Variants in ZFAT observed in about 807,000 individuals in gnomAD.
ZFAT encodes the protein zinc finger protein ZFAT.
In ZFAT, 64 loss-of-function variants were observed where a neutral mutation model predicts 117.7. The observed-to-expected ratio is 0.54, with a 90% CI of 0.44 to 0.67. The LOEUF is 0.67. Among genes scored for constraint, ZFAT ranks in the 30% least tolerant of loss-of-function variants. ZFAT has a pLI of 0.00. For missense variants in ZFAT, 1,433 were observed against 1,584.5 expected, an observed-to-expected ratio of 0.90 and a Z score of 1.62; for synonymous variants, 679 against 615.0, an observed-to-expected ratio of 1.10 and a Z score of -1.54.
At chr8:134,771,095 A>T in the ZFAT span, among the ~76,000 whole-genome samples, 1 of 152,168 alleles carries the variant, frequency 6.6e-6, no homozygotes, top group Non-Finnish European at 1.5e-5. Context: ...TAAGTACTTG[A>T]TGTCTGTCAC....
the ZFAT span, among the ~76,000 whole-genome samples, chr8:134,742,737 T>C: frequency 6.6e-6 from 1 of 152,220 alleles, no homozygotes; most frequent in African/African-American, 2.4e-5. Context: ...TAACTCCTGC[T>C]CTAGTCCTTC....
intron 7 of ZFAT, among the ~76,000 whole-genome samples, chr8:134,591,535 A>G (rs1229167365): frequency 6.6e-6 from 1 of 152,184 alleles, no homozygotes; most frequent in Non-Finnish European, 1.5e-5. Context: ...GTTGAATTCT[A>G]TCCCCTAAAA....
At chr8:134,607,834 T>C (rs570058051) in intron 5 of ZFAT, among the ~76,000 whole-genome samples, 1 of 152,304 alleles carries the variant, frequency 6.6e-6, no homozygotes, top group East Asian at 1.9e-4. Flanking sequence ...GACAGACAAT[T>C]TGGGGAGACT....
chr8:134,520,828 G>T, intron 13 of ZFAT, 55 bp downstream of exon 13: 3 of 1,445,748 alleles, frequency 2.1e-6, no homozygotes, highest in Non-Finnish European at 1.9e-6. Context: ...GGTTTGCCTG[G>T]TTTGTCATCT....
chr8:134,762,224 T>G, the ZFAT span, among the ~76,000 whole-genome samples: 21 of 152,268 alleles, frequency 1.4e-4, no homozygotes, highest in African/African-American at 5.1e-4. Context: ...CTAGGAACAA[T>G]ATCCAATCTA....
intron 15 of ZFAT, among the ~76,000 whole-genome samples, chr8:134,491,856 A>G (rs1187971276): frequency 6.6e-6 from 1 of 152,212 alleles, no homozygotes; most frequent in Non-Finnish European, 1.5e-5. Flanking sequence ...GGTTCTGTGG[A>G]TGAGGACGTG....
At chr8:134,705,192 G>T (rs1177455176) in intron 1 of ZFAT, among the ~76,000 whole-genome samples, 3 of 152,040 alleles carry the variant, frequency 2.0e-5, no homozygotes, top group African/African-American at 7.2e-5. Flanking sequence ...CCCTATTTAT[G>T]TATTTACTTA....
At chr8:134,811,007 A>G in the ZFAT span, among the ~76,000 whole-genome samples, 2 of 152,190 alleles carry the variant, frequency 1.3e-5, no homozygotes, top group South Asian at 2.1e-4. Flanking sequence ...TTAAACAGTA[A>G]AAGAAAAAAA....
chr8:134,816,340 T>C, the ZFAT span, among the ~76,000 whole-genome samples: 1 of 152,110 alleles, frequency 6.6e-6, no homozygotes, highest in Non-Finnish European at 1.5e-5. Flanking sequence ...ATGCTCTAAA[T>C]TGACCTAGAA....
At chr8:134,763,452 T>C in the ZFAT span, among the ~76,000 whole-genome samples, 1 of 152,226 alleles carries the variant, frequency 6.6e-6, no homozygotes, top group Non-Finnish European at 1.5e-5. Context: ...TCAGCTCAAA[T>C]CTTACCTTCT....
the ZFAT span, among the ~76,000 whole-genome samples, chr8:134,759,115 T>G: frequency 6.6e-6 from 1 of 152,344 alleles, no homozygotes; most frequent in African/African-American, 2.4e-5. Context: ...ATGCTAGAAT[T>G]CAGACACGAG....
At chr8:134,713,490 G>A (rs930461216), upstream of ZFAT, among the ~76,000 whole-genome samples, 2 of 152,346 alleles carry the variant, frequency 1.3e-5, no homozygotes, top group Middle Eastern at 6.8e-3. Context: ...GTTTCCCGAA[G>A]CGTGGGGTGC....
chr8:134,532,885 A>C lies in ZFAT; in HGVS notation c.3064T>G (p.Tyr1022Asp). The C allele has an allele frequency of 6.2e-7, 1 of 1,609,626 alleles. No homozygotes were observed. Among genetic ancestry groups the C allele is most frequent in the Non-Finnish European group, 8.5e-7 (1 of 1,178,126 alleles). ...AGCTCCCCGGTGCCCACGTTGGCATACTCCTCATTAGGGTGCTTCCTGTTG... is the reference window on the plus strand; with the variant it reads ...AGCTCCCCGGTGCCCACGTTGGCATCCTCCTCATTAGGGTGCTTCCTGTTG... The part of the protein sequence containing the change: ...HYNRKHPNEE[Y>D]ANVGTGELAA... The change falls in exon 12 of 16, where the codon TAT becomes GAT. Residue 1022 changes from tyrosine to aspartate, a missense_variant. Transcript: ENST00000377838.
chr8:134,610,803 C>A, intron 3 of ZFAT, 148 bp from the exon 4 acceptor site: 1 of 845,428 alleles, frequency 1.2e-6, no homozygotes, highest in African/African-American at 1.7e-5. Context: ...CTGTAGGTAC[C>A]ACGGTGGCTC....
At chr8:134,635,643 G>A (rs932153377) in intron 3 of ZFAT, among the ~76,000 whole-genome samples, 4 of 65,066 alleles carry the variant, frequency 6.1e-5, no homozygotes, top group African/African-American at 2.5e-4. Context: ...GAGTCAGGGA[G>A]AGAGGGAGAG....
chr8:134,688,502 C>T (rs1222871360), intron 1 of ZFAT, among the ~76,000 whole-genome samples: 2 of 151,992 alleles, frequency 1.3e-5, no homozygotes, highest in African/African-American at 4.8e-5. Flanking sequence ...GATCCAAATC[C>T]CAAGAACTGA....
chr8:134,752,319 A>G, the ZFAT span, among the ~76,000 whole-genome samples: 1 of 152,146 alleles, frequency 6.6e-6, no homozygotes, highest in Admixed American at 6.5e-5. Context: ...AAAAGGCCCT[A>G]CATGTGCCAG....
At chr8:134,712,815 C>CCTG in intron 1 of ZFAT, 30 bp downstream of exon 1, 4 of 1,128,114 alleles carry the variant, frequency 3.5e-6, no homozygotes, top group Non-Finnish European at 3.6e-6. Flanking sequence ...ACCCCCACCC[C>CCTG]GTCTCACCCC....
intron 1 of ZFAT, among the ~76,000 whole-genome samples, chr8:134,685,817 C>T (rs1833294245): frequency 6.6e-6 from 1 of 152,220 alleles, no homozygotes; most frequent in African/African-American, 2.4e-5. Context: ...TTTTAAAAAA[C>T]ATGGCTAGTA....
Sources: gnomAD v4.1 joint callset for allele counts (sites outside exome capture counted in the v4.1 genomes callset) on GRCh38, gnomAD v4.1.1 for gene constraint, MANE v1.5 for transcripts, NCBI Gene and HGNC (gene_info 2026-07-23, HGNC 2026-07-21) for gene names.